Variants in IWS1 observed in about 807,000 individuals in gnomAD.
IWS1 encodes the protein protein IWS1 homolog.
A neutral mutation model predicts 86.7 loss-of-function variants in IWS1; 27 were observed. The ratio of observed to expected loss-of-function variants is 0.31; its 90% CI spans 0.23 to 0.43. The LOEUF (loss-of-function observed/expected upper bound fraction) is 0.43, where lower values mean the gene tolerates loss of function less well. Among genes scored for constraint, IWS1 ranks in the 20% least tolerant of loss-of-function variants. The probability of loss-of-function intolerance (pLI) is 1.00; values close to 1 mark genes in which losing one functional copy is unlikely to be tolerated. For synonymous variants in IWS1, 313 were observed against 335.1 expected (o/e 0.93, Z 0.72); for missense variants, 827 against 1,000.8 (o/e 0.83, Z 2.34).
At chr2:127,526,617 T>A, upstream of IWS1, 2 of 1,348,058 alleles carry the variant, frequency 1.5e-6, no homozygotes, top group Non-Finnish European at 2.0e-6. Flanking sequence ...GAGCTGGAAC[T>A]CGGGCTTTAG....
intron 2 of IWS1, among the ~76,000 whole-genome samples, chr2:127,516,795 T>TA (rs1691801982): frequency 6.6e-6 from 1 of 152,120 alleles, no homozygotes; most frequent in Admixed American, 6.6e-5. Context: ...AGACCTTTTT[T>TA]AAAAACAAAA....
intron 6 of IWS1, among the ~76,000 whole-genome samples, chr2:127,497,899 T>C (rs987006594): frequency 2.6e-5 from 4 of 152,142 alleles, no homozygotes; most frequent in African/African-American, 4.8e-5. Context: ...TGGTGAGCCA[T>C]AAATTAAGTC....
intron 2 of IWS1, among the ~76,000 whole-genome samples, chr2:127,520,025 C>T (rs1692004455): frequency 6.6e-6 from 1 of 152,086 alleles, no homozygotes; most frequent in African/African-American, 2.4e-5. Flanking sequence ...ACAGTGTGAC[C>T]CATTTTGGAC....
intron 8 of IWS1, chr2:127,494,520 G>C (rs970074568): frequency 6.4e-6 from 1 of 157,030 alleles, no homozygotes; most frequent in African/African-American, 2.4e-5. Flanking sequence ...CCAGCACTTT[G>C]AGAGGATGAG....
chr2:127,498,323 TCA>T, intron 5 of IWS1, 86 bp from the exon 6 acceptor site: 1 of 1,318,362 alleles, frequency 7.6e-7, no homozygotes, highest in South Asian at 1.4e-5. Context: ...AGTAATTCAT[TCA>T]CAAAGAACAA....
At position 127,505,330 on chromosome 2, in the gene IWS1, T is replaced by A. The variant is rs772740340; in HGVS notation, c.573A>T (p.Pro191=). The A allele has an allele frequency of 1.9e-6, 3 of 1,613,784 alleles. No homozygotes were observed. The highest frequency in any genetic ancestry group is 2.5e-6 in the Non-Finnish European group (3 of 1,179,900). Residue 191 remains proline (P), a synonymous_variant, in exon 3 of 14, where the codon CCA becomes CCT. Coordinates refer to ENST00000295321, the MANE Select transcript of IWS1 (RefSeq NM_017969.3). This position sits in a 1 kb window ranked among gnomAD's most constrained non-coding sequence, Gnocchi z 5.0. The part of the protein sequence containing the change: ...QISDSESEEP[P]RHQASDSENE... ...TTTCGGAGTCACTGGCTTGGTGCCT[T>A]GGGGGTTCCTCACTCTCAGAGTCAC... is the stretch of plus-strand genomic sequence containing the variant.
intron 2 of IWS1, among the ~76,000 whole-genome samples, chr2:127,513,236 G>C (rs1343401062): frequency 6.6e-6 from 1 of 150,744 alleles, no homozygotes; most frequent in Non-Finnish European, 1.5e-5. Context: ...GTGAGACTGT[G>C]TCTCAAAAAA....
chr2:127,519,682 G>A (rs1408171254), intron 2 of IWS1, among the ~76,000 whole-genome samples: 1 of 152,148 alleles, frequency 6.6e-6, no homozygotes, highest in Non-Finnish European at 1.5e-5. Flanking sequence ...CTTGGAACCT[G>A]TGAATATGTC....
At chr2:127,510,249 GA>G (rs1317046101) in intron 2 of IWS1, among the ~76,000 whole-genome samples, 1 of 152,136 alleles carries the variant, frequency 6.6e-6, no homozygotes, top group East Asian at 1.9e-4. Flanking sequence ...GAGCATGAAA[GA>G]ATCTGAGAAA....
In IWS1 at chr2:127,494,898, C is replaced by G. The variant is rs141440109; in HGVS notation, c.1773G>C (p.Leu591=). ...TCTTAAGGTGCATAACTACAGCAGGCAGTAAAGTTAATTTTTTCAGTGCTG... is the reference window on the plus strand; with the variant it reads ...TCTTAAGGTGCATAACTACAGCAGGGAGTAAAGTTAATTTTTTCAGTGCTG... ...KKPALKKLTL[L]PAVVMHLKKQ... The change falls in exon 8 of 14, where the codon CTG becomes CTC. Residue 591 remains leucine (L), a synonymous_variant. Coordinates refer to ENST00000295321, the MANE Select transcript of IWS1 (RefSeq NM_017969.3). 4 of 1,601,862 alleles carry G rather than the reference C, an allele frequency of 2.5e-6. No individual in the cohort carries two copies. Among genetic ancestry groups the G allele is most frequent in the Non-Finnish European group, 3.4e-6 (4 of 1,172,862 alleles).
intron 2 of IWS1, among the ~76,000 whole-genome samples, chr2:127,513,032 G>A (rs1691557973): frequency 6.6e-6 from 1 of 152,230 alleles, no homozygotes; most frequent in Admixed American, 6.5e-5. Context: ...CCTGAGGTCA[G>A]GAGTTCAAGA....
In IWS1 at chr2:127,489,109, A is replaced by C. The variant is rs1285402043; in HGVS notation, c.2216+70T>G. On this transcript the variant is annotated intron_variant, in intron 12 of 13. Coordinates refer to ENST00000295321, the MANE Select transcript of IWS1 (RefSeq NM_017969.3). This position sits in a 1 kb window ranked among gnomAD's most constrained non-coding sequence, Gnocchi z 4.8. Reference sequence around the variant, plus strand: ...AGAGCATAACATCATTTCATTTACTACTTTTCTTAAAGCAGCAAACGGAAA... The same window carrying C: ...AGAGCATAACATCATTTCATTTACTCCTTTTCTTAAAGCAGCAAACGGAAA... The C allele has an allele frequency of 9.4e-7, 1 of 1,062,028 alleles. No homozygotes were observed. The highest frequency in any genetic ancestry group is 1.6e-5 in the African/African-American group (1 of 62,846). The allele number at this position is 1,062,028 out of a possible 1,614,324, so 65.8% of individuals were successfully genotyped here.
chr2:127,488,596 C>G (rs1189639126), intron 12 of IWS1, among the ~76,000 whole-genome samples: 1 of 152,198 alleles, frequency 6.6e-6, no homozygotes, highest in Non-Finnish European at 1.5e-5. Context: ...CCACTGCCCT[C>G]CAATCCATCC....
Position 127,494,974 on chromosome 2 carries a change from A to C in IWS1, c.1717-20T>G. The stretch of plus-strand genomic sequence containing the variant: ...GTCTTCCTATTCAGAAAAAAAATAA[A>C]GATTTTTTTTTAAAACAGTACTTTT... On this transcript the variant is annotated intron_variant, in intron 7 of 13. Transcript: ENST00000295321. 6.7e-7 allele frequency: 1 copy of C among 1,485,438 alleles called. No individual in the cohort carries two copies. The highest frequency in any genetic ancestry group is 2.0e-5 in the Admixed American group (1 of 50,782). The allele number at this position is 1,485,438 out of a possible 1,614,324, so 92.0% of individuals were successfully genotyped here. A position where few individuals can be genotyped will look rare whatever the true frequency, so the allele number is the denominator to read the frequency against.
At position 127,526,315 on chromosome 2, in the gene IWS1, G is replaced by A. The variant is rs1692412763; in HGVS notation, c.-107C>T. ...CGCGGCTAAGTGTTCAGAGACTGCC[G>A]CCCGACCGGAGAACTTAACGGGTGC... On this transcript the variant is annotated 5_prime_UTR_variant, in exon 1 of 14. Transcript: ENST00000295321. 4 of 1,540,478 alleles carry A rather than the reference G, an allele frequency of 2.6e-6. No individual in the cohort carries two copies. The highest frequency in any genetic ancestry group is 2.0e-5 in the Admixed American group (1 of 50,988).
chr2:127,518,569 T>TC (rs1691906045), intron 2 of IWS1, among the ~76,000 whole-genome samples: 1 of 150,292 alleles, frequency 6.7e-6, no homozygotes, highest in African/African-American at 2.4e-5. Flanking sequence ...ATTCTTTTTT[T>TC]TTTTTTTTTT....
chr2:127,491,820 CTAG>C lies in IWS1; in HGVS notation c.2047+148_2047+150del, dbSNP rs1328940673. On this transcript the variant is annotated intron_variant, in intron 10 of 13. Transcript: ENST00000295321. ...TTTTTTTAAAGTCTAAGAGAAAATG[CTAG>C]TACCTGTAAGAAGTTATTCAAAAAT... The C allele has an allele frequency of 5.0e-6, 3 of 597,850 alleles. No homozygotes were observed. The East Asian group carries it at 8.2e-5, about 16-fold the overall frequency. 37.0% of individuals were successfully genotyped at this position (597,850 alleles called of 1,614,324 possible).
chr2:127,492,436 C>T (rs1690276541), intron 9 of IWS1, among the ~76,000 whole-genome samples: 1 of 151,828 alleles, frequency 6.6e-6, no homozygotes, highest in South Asian at 2.1e-4. Flanking sequence ...ATCCCAGCTA[C>T]TCGGGAGGCT....
At chr2:127,511,360 G>C (rs554350356) in intron 2 of IWS1, 1 of 152,300 alleles carries the variant, frequency 6.6e-6, no homozygotes, top group African/African-American at 2.4e-5. Flanking sequence ...TACCGTAGAG[G>C]GCAGTTCTGA....
Sources: allele counts gnomAD v4.1 joint callset (sites outside exome capture counted in the v4.1 genomes callset), GRCh38; gene constraint gnomAD v4.1.1; non-coding constraint Gnocchi (gnomAD v3.1); transcripts MANE v1.5; gene names NCBI Gene and HGNC (gene_info 2026-07-23, HGNC 2026-07-21).